RBFOX1: variants seen among roughly 807,000 people sequenced by gnomAD.
RBFOX1 encodes RNA binding protein fox-1 homolog 1.
Under a neutral mutation model 57.7 loss-of-function variants are expected in RBFOX1, and 8 were observed. The ratio of observed to expected loss-of-function variants is 0.14; its 90% confidence interval spans 0.08 to 0.25. RBFOX1 has a LOEUF of 0.25. RBFOX1 is among the 10% of genes least tolerant of loss of function. RBFOX1 has a pLI of 1.00. For missense variants in RBFOX1, 611 were observed against 548.5 expected (o/e 1.11, Z -1.14); for synonymous variants, 326 against 222.4 (o/e 1.47, Z -4.15).
chr16:6,909,996 G>A (rs976199886), intron 3 of RBFOX1, among the ~76,000 whole-genome samples: 1 of 151,990 alleles, frequency 6.6e-6, no homozygotes, highest in Non-Finnish European at 1.5e-5. Flanking sequence ...CTCTTGAAAG[G>A]TGTTGTTTGT....
intron 2 of RBFOX1, among the ~76,000 whole-genome samples, chr16:6,331,653 C>T: frequency 6.7e-6 from 1 of 149,410 alleles, no homozygotes; most frequent in African/African-American, 2.5e-5. Context: ...CTTCTGTTTT[C>T]TATTCAGTGT....
At chr16:5,599,016 T>A (rs1361423936) in exon 3 of RBFOX1, 2 of 1,394,254 alleles carry the variant, frequency 1.4e-6, no homozygotes. Flanking sequence ...TTTTGCATCC[T>A]TTTCAGCCTC....
chr16:6,655,847 T>C lies in RBFOX1; in HGVS notation c.-16+1197T>C, dbSNP rs200179798. Among the ~76,000 whole-genome samples, 11 of 152,338 alleles carry C rather than the reference T, an allele frequency of 7.2e-5. No individual in the cohort carries two copies. The East Asian group carries it at 2.1e-3, about 29-fold the overall frequency. ...GAGGTTTTCAGCTCTGATTGTATCA[T>C]GACTGGGGCATGTCTGCTGATTAAT... On this transcript the variant is annotated intron_variant, in intron 3 of 15. Coordinates refer to ENST00000550418, the MANE Select transcript of RBFOX1 (RefSeq NM_018723.4).
intron 3 of RBFOX1, among the ~76,000 whole-genome samples, chr16:5,658,238 A>C (rs1306026310): frequency 6.6e-6 from 1 of 152,154 alleles, no homozygotes; most frequent in Admixed American, 6.5e-5. Flanking sequence ...TCAGGCAAAC[A>C]ACCTGCTGGG....
At chr16:5,787,972 C>T (rs1036830110) in intron 3 of RBFOX1, among the ~76,000 whole-genome samples, 2 of 152,170 alleles carry the variant, frequency 1.3e-5, no homozygotes, top group Admixed American at 1.3e-4. Context: ...CTGTTCAATT[C>T]TGAGTTTCTG....
intron 3 of RBFOX1, among the ~76,000 whole-genome samples, chr16:6,796,397 A>G (rs1359883382): frequency 6.6e-6 from 1 of 152,166 alleles, no homozygotes; most frequent in Non-Finnish European, 1.5e-5. Flanking sequence ...AAACCAAGAA[A>G]TAGCAAACTT....
intron 9 of RBFOX1, among the ~76,000 whole-genome samples, chr16:7,598,891 A>T (rs2094857661): frequency 6.6e-6 from 1 of 152,238 alleles, no homozygotes; most frequent in Non-Finnish European, 1.5e-5. Flanking sequence ...GAAAACAATG[A>T]TCTAGCAATG....
At chr16:6,270,678 T>C (rs1038162966) in intron 1 of RBFOX1, among the ~76,000 whole-genome samples, 1 of 152,140 alleles carries the variant, frequency 6.6e-6, no homozygotes, top group Non-Finnish European at 1.5e-5. Flanking sequence ...AAAACTAGAC[T>C]GAAAATCAGA....
At chr16:7,294,044 G>A (rs1352088649) in intron 4 of RBFOX1, among the ~76,000 whole-genome samples, 1 of 152,178 alleles carries the variant, frequency 6.6e-6, no homozygotes, top group African/African-American at 2.4e-5. Context: ...GAACCTTGCA[G>A]CCAAGCTCAT....
chr16:6,716,335 C>A (rs1192519772), intron 3 of RBFOX1, among the ~76,000 whole-genome samples: 1 of 152,176 alleles, frequency 6.6e-6, no homozygotes, highest in Admixed American at 6.5e-5. Context: ...CCATGACCTT[C>A]CCTCTTGCTC....
At chr16:7,228,256 C>A (rs1236770282) in intron 4 of RBFOX1, among the ~76,000 whole-genome samples, 1 of 151,844 alleles carries the variant, frequency 6.6e-6, no homozygotes, top group Non-Finnish European at 1.5e-5. Flanking sequence ...AATGAACTTC[C>A]GACTGATCAG....
In RBFOX1 at chr16:7,060,425, G is replaced by A. The variant is rs531821612; in HGVS notation, c.27+8327G>A. Among the ~76,000 whole-genome samples the A allele has an allele frequency of 3.3e-5, 5 of 152,182 alleles. No individual in the cohort carries two copies. The East Asian group carries it at 7.7e-4, about 24-fold the overall frequency. On this transcript the variant is annotated intron_variant, in intron 4 of 15. Transcript: ENST00000550418. ...ATCAAAGATCAATAAATGCATGCAC[G>A]TTCATATGTTTTACATTAAAACAAA...
At chr16:7,087,481 C>G (rs528750716) in intron 4 of RBFOX1, among the ~76,000 whole-genome samples, 2 of 146,796 alleles carry the variant, frequency 1.4e-5, no homozygotes, top group Non-Finnish European at 3.0e-5. Flanking sequence ...ATTAAACAGC[C>G]AAACCAAGAA....
At chr16:7,345,456 A>G (rs1441836036) in intron 4 of RBFOX1, among the ~76,000 whole-genome samples, 1 of 152,162 alleles carries the variant, frequency 6.6e-6, no homozygotes, top group Non-Finnish European at 1.5e-5. Flanking sequence ...TAAGGATTCT[A>G]ATGAGCTGGG....
At chr16:6,616,731 G>A (rs139940224) in intron 2 of RBFOX1, among the ~76,000 whole-genome samples, 275 of 152,270 alleles carry the variant, frequency 1.8e-3, no homozygotes, top group African/African-American at 6.5e-3. Flanking sequence ...CACCATGCCC[G>A]GCAATAAGTT....
intron 4 of RBFOX1, among the ~76,000 whole-genome samples, chr16:7,253,455 A>G (rs1025551128): frequency 3.3e-5 from 5 of 152,152 alleles, no homozygotes; most frequent in Admixed American, 2.6e-4. Context: ...TGAGTTCCCA[A>G]CGAGACTTCA....
intron 3 of RBFOX1, among the ~76,000 whole-genome samples, chr16:5,670,014 AG>A (rs1045945422): frequency 1.3e-5 from 2 of 152,236 alleles, no homozygotes; most frequent in Non-Finnish European, 2.9e-5. Context: ...AAAAAGATAT[AG>A]AGCACTGACA....
chr16:7,536,314 C>T (rs2081452520), intron 5 of RBFOX1, among the ~76,000 whole-genome samples: 2 of 152,168 alleles, frequency 1.3e-5, no homozygotes, highest in South Asian at 4.1e-4. Flanking sequence ...AAATTAGAGG[C>T]TGGGCGCGGT....
At chr16:6,564,149 C>G (rs1047883027) in intron 2 of RBFOX1, among the ~76,000 whole-genome samples, 6 of 152,016 alleles carry the variant, frequency 3.9e-5, no homozygotes, top group African/African-American at 1.4e-4. Context: ...CTGTTTTCCA[C>G]GAAAGTCTGT....
Sources: gnomAD v4.1 joint callset for allele counts (sites outside exome capture counted in the v4.1 genomes callset) on GRCh38, gnomAD v4.1.1 for gene constraint, MANE v1.5 for transcripts, NCBI Gene and HGNC (gene_info 2026-07-23, HGNC 2026-07-21) for gene names.